KANK1: variants seen among roughly 807,000 people sequenced by gnomAD.
The protein encoded by KANK1 is KN motif and ankyrin repeat domains 1.
A neutral mutation model predicts 106.2 loss-of-function variants in KANK1; 109 were observed. The observed-to-expected ratio is 1.03, with a 90% CI of 0.88 to 1.20. KANK1 has a LOEUF of 1.20. KANK1 is among the 50% of genes most tolerant of loss of function. The pLI is 0.00. For synonymous variants in KANK1, 873 were observed against 652.2 expected (o/e 1.34, Z -5.16); for missense variants, 2,399 against 1,710.7 (o/e 1.40, Z -7.10).
intron 2 of KANK1, 73 bp from the exon 3 acceptor site, chr9:710,731 A>G (rs1253545372): frequency 7.0e-7 from 1 of 1,427,160 alleles, no homozygotes. Context: ...CTGTACTGCA[A>G]CAAACACAAA....
At chr9:622,242 C>T (rs1833315018) in intron 1 of KANK1, among the ~76,000 whole-genome samples, 1 of 152,114 alleles carries the variant, frequency 6.6e-6, no homozygotes. Context: ...CCTTGGAGCA[C>T]AAAGAAGTTA....
chr9:605,244 T>G (rs927266343), intron 1 of KANK1, among the ~76,000 whole-genome samples: 6 of 142,780 alleles, frequency 4.2e-5, no homozygotes, highest in Non-Finnish European at 1.5e-5. Context: ...GAGGTTGCAG[T>G]GAGCCCAGAT....
At chr9:563,570 A>G (rs1338337148) in intron 1 of KANK1, among the ~76,000 whole-genome samples, 2 of 152,222 alleles carry the variant, frequency 1.3e-5, no homozygotes, top group African/African-American at 4.8e-5. Flanking sequence ...GTAGGATCAC[A>G]TGATTTTGTA....
At chr9:488,178 T>C (rs2058324835) in intron 3 of KANK1, among the ~76,000 whole-genome samples, 1 of 152,066 alleles carries the variant, frequency 6.6e-6, no homozygotes, top group South Asian at 2.1e-4. Flanking sequence ...CGGGAGCATG[T>C]TGGGGTATGG....
chr9:529,677 A>G (rs977684891), intron 1 of KANK1, among the ~76,000 whole-genome samples: 4 of 152,202 alleles, frequency 2.6e-5, no homozygotes, highest in African/African-American at 9.6e-5. Flanking sequence ...GCAGCATAGT[A>G]TGATTTTAAA....
intron 2 of KANK1, chr9:693,888 T>A: frequency 1.1e-6 from 1 of 887,832 alleles, no homozygotes; most frequent in Non-Finnish European, 1.3e-6. Context: ...TGAAAAAGAT[T>A]TGCTTTTACT....
intron 2 of KANK1, among the ~76,000 whole-genome samples, chr9:700,398 C>T (rs117476684): frequency 2.0e-4 from 30 of 152,324 alleles, no homozygotes; most frequent in Middle Eastern, 3.4e-3. Flanking sequence ...CTGCTAAACC[C>T]GTTCAGAAGG....
intron 10 of KANK1, among the ~76,000 whole-genome samples, chr9:743,863 A>G (rs1324467584): frequency 1.3e-5 from 2 of 152,216 alleles, no homozygotes; most frequent in East Asian, 1.9e-4. Context: ...CTCAAAAAAC[A>G]CACTAGACAG....
At chr9:595,562 G>C (rs974330140) in intron 1 of KANK1, among the ~76,000 whole-genome samples, 1 of 151,748 alleles carries the variant, frequency 6.6e-6, no homozygotes, top group Non-Finnish European at 1.5e-5. Flanking sequence ...GTCTCACTCT[G>C]TTGCCCAGGC....
intron 3 of KANK1, among the ~76,000 whole-genome samples, chr9:717,573 T>A (rs1247418028): frequency 1.3e-5 from 2 of 152,210 alleles, no homozygotes; most frequent in African/African-American, 4.8e-5. Flanking sequence ...CCAGAGGTGT[T>A]CTGTATTTTT....
chr9:512,112 C>T (rs891289235), intron 1 of KANK1, among the ~76,000 whole-genome samples: 2 of 152,170 alleles, frequency 1.3e-5, no homozygotes, highest in African/African-American at 4.8e-5. Context: ...CATTTGTCTT[C>T]ATGGCAACTA....
Position 587,134 on chromosome 9 carries a change from A to C in KANK1, c.-84+82380A>C, listed in dbSNP as rs1433887389. The stretch of plus-strand genomic sequence containing the variant: ...ATTGCAGTAATTTCTGGCCTTACAT[A>C]ATTAAGATAACATATCGTTTTTTTC... On this transcript the variant is annotated intron_variant, in intron 1 of 11. Coordinates refer to ENST00000382297, the MANE Select transcript of KANK1 (RefSeq NM_015158.5). Among the ~76,000 whole-genome samples the C allele has an allele frequency of 3.9e-5, 6 of 152,196 alleles. No individual in the cohort carries two copies. The East Asian group carries it at 1.2e-3, about 29-fold the overall frequency.
rs34062799 is a variant in KANK1, at chr9:493,554, C to CTTT, written c.-362+20297_-362+20299dup. ...ATGCTGCTAGTTTTGGGGTAATTTG[C>CTTT]TTTTTTTTTTTTTTTTTTGGAGATG... On this transcript the variant is annotated intron_variant, in intron 3 of 15. Coordinates refer to the KANK1 transcript ENST00000382303. 3.5e-3 allele frequency among the ~76,000 whole-genome samples: 409 copies of CTTT among 115,952 alleles called. 32 individuals are homozygous for CTTT. In the South Asian group the frequency reaches 0.095, roughly 27 times the overall value. The allele number at this position is 115,952 out of a possible 152,430, so 76.1% of individuals were successfully genotyped here.
intron 1 of KANK1, among the ~76,000 whole-genome samples, chr9:537,329 A>T (rs757008207): frequency 1.3e-5 from 2 of 152,126 alleles, no homozygotes; most frequent in Non-Finnish European, 2.9e-5. Context: ...GGAATTTGAT[A>T]CCAGTTCCTG....
chr9:613,932 G>A (rs7047247), intron 1 of KANK1, among the ~76,000 whole-genome samples: 106,869 of 151,908 alleles, frequency 0.7, 38,810 homozygotes, highest in Non-Finnish European at 0.81. Flanking sequence ...TCTCATTTCT[G>A]CGCCCTACAG....
In KANK1 at chr9:742,341, G is replaced by A. The variant is rs763373034; in HGVS notation, c.3833G>A (p.Gly1278Glu). 3.7e-6 allele frequency: 6 copies of A among 1,614,022 alleles called. No individual in the cohort carries two copies. Among genetic ancestry groups the A allele is most frequent in the African/African-American group, 2.7e-5 (2 of 74,932 alleles). The change falls in exon 10 of 12, where the codon GGA (glycine) becomes GAA (glutamate). Residue 1278 changes from glycine to glutamate, a missense_variant. Transcript: ENST00000382297. ...STALMCASEH[G>E]HVEIVKLLLA... ...GCCCTCATGTGTGCCAGCGAGCACG[G>A]ACACGTGGAGATTGTCAAGCTGCTG... is the stretch of plus-strand genomic sequence containing the variant.
At chr9:622,925 A>C (rs1563878529) in intron 1 of KANK1, among the ~76,000 whole-genome samples, 1 of 152,092 alleles carries the variant, frequency 6.6e-6, no homozygotes, top group Non-Finnish European at 1.5e-5. Flanking sequence ...AGAAAGACTT[A>C]ATGGTAAGGC....
At chr9:575,825 C>T (rs1820403523) in intron 1 of KANK1, among the ~76,000 whole-genome samples, 1 of 152,188 alleles carries the variant, frequency 6.6e-6, no homozygotes, top group Non-Finnish European at 1.5e-5. Context: ...GAGTTCAAGA[C>T]CAGCCTGGTC....
chr9:480,563 A>G (rs116821620), intron 3 of KANK1, among the ~76,000 whole-genome samples: 1 of 152,370 alleles, frequency 6.6e-6, no homozygotes, highest in African/African-American at 2.4e-5. Context: ...TTTAGCAGTA[A>G]AAAGTAAGTT....
Sources: gnomAD v4.1 joint callset for allele counts (sites outside exome capture counted in the v4.1 genomes callset) on GRCh38, gnomAD v4.1.1 for gene constraint, MANE v1.5 for transcripts, NCBI Gene and HGNC (gene_info 2026-07-23, HGNC 2026-07-21) for gene names.